CEP63: variants seen among roughly 807,000 people sequenced by gnomAD.
The protein encoded by CEP63 is centrosomal protein 63.
In CEP63, 84 loss-of-function variants were observed where a neutral mutation model predicts 89.1. That is an observed-to-expected ratio of 0.94 (90% confidence interval 0.79 to 1.13). CEP63 has a LOEUF of 1.13. Among genes scored for constraint, CEP63 ranks in the 50% most tolerant of loss-of-function variants. The probability of loss-of-function intolerance (pLI) is 0.00; values close to 1 mark genes in which losing one functional copy is unlikely to be tolerated. For synonymous variants in CEP63, 267 were observed against 272.5 expected (o/e 0.98, Z 0.20); for missense variants, 838 against 813.3 (o/e 1.03, Z -0.37).
At chr3:134,545,458 A>G in intron 6 of CEP63, 128 bp from the exon 7 acceptor site, 1 of 324,752 alleles carries the variant, frequency 3.1e-6, no homozygotes, top group South Asian at 3.2e-5. Flanking sequence ...CCTTCGCAAT[A>G]TATATATATA....
chr3:134,540,758 T>C (rs1328041432), intron 6 of CEP63, among the ~76,000 whole-genome samples: 1 of 119,468 alleles, frequency 8.4e-6, no homozygotes, highest in Admixed American at 9.5e-5. Context: ...TCACCTTTGT[T>C]TTAGGATTTT....
chr3:134,541,091 T>C (rs1951902208), intron 6 of CEP63, among the ~76,000 whole-genome samples: 1 of 152,188 alleles, frequency 6.6e-6, no homozygotes, highest in Non-Finnish European at 1.5e-5. Flanking sequence ...CGGATGTTTA[T>C]ATTTTACTAT....
At chr3:134,769,332 C>G in the CEP63 span, among the ~76,000 whole-genome samples, 1 of 152,054 alleles carries the variant, frequency 6.6e-6, no homozygotes, top group African/African-American at 2.4e-5. Flanking sequence ...TTAAACAAGG[C>G]CCCCCAACCC....
the CEP63 span, among the ~76,000 whole-genome samples, chr3:134,766,690 A>G: frequency 1.3e-5 from 2 of 152,242 alleles, no homozygotes; most frequent in African/African-American, 4.8e-5. Flanking sequence ...AGGTTTGTGC[A>G]GTCCACAACA....
the CEP63 span, chr3:134,608,084 C>T: frequency 1.3e-4 from 142 of 1,109,534 alleles, 2 homozygotes; most frequent in South Asian, 1.9e-4. Context: ...CTGCCCCCAC[C>T]TGTCCTGGGA....
At chr3:134,597,365 C>T in the CEP63 span, among the ~76,000 whole-genome samples, 2 of 152,194 alleles carry the variant, frequency 1.3e-5, no homozygotes, top group Admixed American at 1.3e-4. Context: ...CTTGTGAAGA[C>T]TTTTCAGTGA....
intron 3 of CEP63, among the ~76,000 whole-genome samples, chr3:134,525,072 C>G (rs149433324): frequency 1.3e-5 from 2 of 152,256 alleles, no homozygotes; most frequent in Admixed American, 1.3e-4. Context: ...TGTTATTGGT[C>G]TGTTCAGGGG....
At chr3:134,660,480 G>A in the CEP63 span, among the ~76,000 whole-genome samples, 1 of 152,202 alleles carries the variant, frequency 6.6e-6, no homozygotes, top group Non-Finnish European at 1.5e-5. Context: ...GGCAGAGCTA[G>A]GATTCACACT....
At chr3:134,499,972 C>T (rs1314789024) in intron 2 of CEP63, among the ~76,000 whole-genome samples, 1 of 152,018 alleles carries the variant, frequency 6.6e-6, no homozygotes, top group South Asian at 2.1e-4. Flanking sequence ...TACAGGCACA[C>T]ACCACCATGC....
intron 2 of CEP63, among the ~76,000 whole-genome samples, chr3:134,504,105 C>T (rs950713060): frequency 2.8e-5 from 4 of 144,498 alleles, no homozygotes; most frequent in Non-Finnish European, 6.0e-5. Context: ...GTAATTTGGT[C>T]TCTCTCTCTT....
the CEP63 span, among the ~76,000 whole-genome samples, chr3:134,615,869 C>T: frequency 6.6e-6 from 1 of 152,250 alleles, no homozygotes; most frequent in African/African-American, 2.4e-5. Context: ...ACTGCACACA[C>T]TCCTGCCCCT....
chr3:134,489,517 A>G (rs575681984), intron 1 of CEP63, among the ~76,000 whole-genome samples: 1 of 152,288 alleles, frequency 6.6e-6, no homozygotes, highest in South Asian at 2.1e-4. Flanking sequence ...AGTTAGCTCC[A>G]TCCACCCATA....
intron 9 of CEP63, among the ~76,000 whole-genome samples, chr3:134,547,675 A>G (rs1009058246): frequency 4.5e-5 from 6 of 133,368 alleles, no homozygotes; most frequent in Non-Finnish European, 9.2e-5. Context: ...CAATGGCACA[A>G]TCTCAGCTCA....
chr3:134,754,430 G>C, the CEP63 span, among the ~76,000 whole-genome samples: 3 of 152,226 alleles, frequency 2.0e-5, no homozygotes, highest in African/African-American at 7.2e-5. Context: ...AGTGTGAGGA[G>C]GGTCTCCTCT....
chr3:134,781,473 T>G, the CEP63 span, among the ~76,000 whole-genome samples: 1 of 152,148 alleles, frequency 6.6e-6, no homozygotes, highest in Admixed American at 6.5e-5. Context: ...GACACAAAGG[T>G]GGGAACAACA....
At chr3:134,492,382 G>T (rs1047305207) in intron 1 of CEP63, among the ~76,000 whole-genome samples, 3 of 152,106 alleles carry the variant, frequency 2.0e-5, no homozygotes, top group Admixed American at 6.5e-5. Flanking sequence ...GTTAGGAAAA[G>T]AATCAGTGAT....
At chr3:134,506,968 C>G in intron 2 of CEP63, 141 bp from the exon 3 acceptor site, 10 of 323,092 alleles carry the variant, frequency 3.1e-5, no homozygotes, top group East Asian at 1.5e-4. Context: ...TTCTTTGCTT[C>G]TGGTAATTTA....
rs1174460416 is a variant in CEP63 at position 134,562,306 on chromosome 3, T to A, written c.*771T>A. ...AGTTGATAAGATCCACCAGGGAGGC[T>A]GTGGAGAGAGAGAGGAGCAGGAGGC... On this transcript the variant is annotated 3_prime_UTR_variant, in exon 15 of 15. Coordinates refer to ENST00000675561, the MANE Select transcript of CEP63 (RefSeq NM_001353108.3). The A allele has an allele frequency of 1.2e-6, 1 of 833,444 alleles. No homozygotes were observed. The highest frequency in any genetic ancestry group is 6.2e-5 in the Admixed American group (1 of 16,106). 51.6% of individuals were successfully genotyped at this position (833,444 alleles called of 1,614,324 possible).
At chr3:134,547,610 A>ATTTATTTTTTTTTTT in intron 9 of CEP63, 138 bp downstream of exon 9, 14 of 226,760 alleles carry the variant, frequency 6.2e-5, no homozygotes, top group East Asian at 2.3e-4. Flanking sequence ...CTAAGTTCTT[A>ATTTATTTTTTTTTTT]TTTCTTTTTT....
Sources: allele counts gnomAD v4.1 joint callset (sites outside exome capture counted in the v4.1 genomes callset), GRCh38; gene constraint gnomAD v4.1.1; transcripts MANE v1.5; gene names NCBI Gene and HGNC (gene_info 2026-07-23, HGNC 2026-07-21).